The following PRIM1 variants were observed in gnomAD, a reference collection of about 807,000 sequenced individuals.
PRIM1 encodes DNA primase small subunit.
A neutral mutation model predicts 60.2 loss-of-function variants in PRIM1; 38 were observed. The ratio of observed to expected loss-of-function variants is 0.63; its 90% CI spans 0.49 to 0.83. The LOEUF is 0.83. PRIM1 is among the 40% of genes least tolerant of loss of function. The pLI is 0.00. For synonymous variants in PRIM1, 158 were observed against 160.2 expected (o/e 0.99, Z 0.10); for missense variants, 388 against 506.2 (o/e 0.77, Z 2.24).
In PRIM1 at chr12:56,750,629, G is replaced by A. The variant is rs1185992648; in HGVS notation, c.261+409C>T. Among the ~76,000 whole-genome samples the A allele has an allele frequency of 6.3e-5, 9 of 142,704 alleles. No individual in the cohort carries two copies. In the East Asian group the frequency reaches 1.0e-3, roughly 16 times the overall value. 93.6% of individuals were successfully genotyped at this position (142,704 alleles called of 152,430 possible). ...TTTTGAGGCCAAGTCTCGCTCTGTC[G>A]CCCAGACTGGAGTGCAATGGCGCGA... On this transcript the variant is annotated intron_variant, in intron 2 of 12. Transcript: ENST00000338193.
At chr12:56,741,317 G>A in intron 9 of PRIM1, 118 bp downstream of exon 9, 1 of 1,116,902 alleles carries the variant, frequency 9.0e-7, no homozygotes, top group East Asian at 2.7e-5. Flanking sequence ...GGGTGACAGA[G>A]CAATTCTTCT....
chr12:56,739,283 C>A lies in PRIM1; in HGVS notation c.1052+11G>T. 1 of 1,528,266 alleles carries A rather than the reference C, an allele frequency of 6.5e-7. No homozygotes were observed. The highest frequency in any genetic ancestry group is 8.9e-7 in the Non-Finnish European group (1 of 1,123,230). The allele number at this position is 1,528,266 out of a possible 1,614,324, so 94.7% of individuals were successfully genotyped here. On this transcript the variant is annotated intron_variant, in intron 10 of 12. Coordinates refer to ENST00000338193, the MANE Select transcript of PRIM1 (RefSeq NM_000946.3). The stretch of plus-strand genomic sequence containing the variant: ...TTACAAACAAGGAGTGATCAATGAT[C>A]TGAAACATACCTTATGGTCGGAACA...
chr12:56,735,823 G>A (rs531932601), intron 11 of PRIM1, among the ~76,000 whole-genome samples: 261 of 150,722 alleles, frequency 1.7e-3, no homozygotes, highest in Middle Eastern at 0.014. Flanking sequence ...GATAATTTTT[G>A]TATTTTTAGT....
intron 2 of PRIM1, among the ~76,000 whole-genome samples, chr12:56,747,929 G>T (rs1017449899): frequency 6.6e-6 from 1 of 152,066 alleles, no homozygotes; most frequent in Non-Finnish European, 1.5e-5. Context: ...ACCAGGTATT[G>T]TTGGAATGAG....
intron 2 of PRIM1, among the ~76,000 whole-genome samples, chr12:56,750,204 T>A (rs1953936450): frequency 6.6e-6 from 1 of 152,208 alleles, no homozygotes; most frequent in South Asian, 2.1e-4. Flanking sequence ...TGAGTTGTTT[T>A]AAAAGGATTA....
intron 2 of PRIM1, among the ~76,000 whole-genome samples, chr12:56,747,423 A>G (rs957441488): frequency 6.6e-6 from 1 of 152,188 alleles, no homozygotes; most frequent in Non-Finnish European, 1.5e-5. Flanking sequence ...GATCTCCCCA[A>G]TTAGTTTGAA....
intron 2 of PRIM1, among the ~76,000 whole-genome samples, chr12:56,748,201 T>C (rs139350199): frequency 6.6e-6 from 1 of 152,300 alleles, no homozygotes; most frequent in East Asian, 1.9e-4. Flanking sequence ...GTGTGTTGTA[T>C]TGATATTACA....
chr12:56,741,541 C>T lies in PRIM1; in HGVS notation c.876G>A (p.Leu292=), dbSNP rs371616402. The part of the protein sequence containing the change: ...NIKNDKYGPW[L]EWEIMLQYCF... ...AGTACTGGAGCATAATCTCCCACTCCAGCCAGGGTCCATATTTGTCATTTT... is the reference window on the plus strand; with the variant it reads ...AGTACTGGAGCATAATCTCCCACTCTAGCCAGGGTCCATATTTGTCATTTT... Residue 292 remains leucine (L), a synonymous_variant, in exon 9 of 13, where the codon CTG becomes CTA. Coordinates refer to ENST00000338193, the MANE Select transcript of PRIM1 (RefSeq NM_000946.3). 3,058 of 1,613,226 alleles carry T rather than the reference C, an allele frequency of 1.9e-3. 70 individuals are homozygous for T. In the South Asian group the frequency reaches 0.031, roughly 16 times the overall value.
intron 7 of PRIM1, among the ~76,000 whole-genome samples, chr12:56,742,587 C>CA (rs797010821): frequency 0.011 from 1,694 of 150,754 alleles, 27 homozygotes; most frequent in African/African-American, 0.037. Flanking sequence ...ACAACAACAA[C>CA]AACAAAAAAA....
At chr12:56,751,286 G>A in intron 1 of PRIM1, 91 bp from the exon 2 acceptor site, 1 of 907,682 alleles carries the variant, frequency 1.1e-6, no homozygotes. Context: ...TTTTTTTTTC[G>A]GTGAGGGAAT....
At chr12:56,739,466 C>T in intron 9 of PRIM1, 103 bp from the exon 10 acceptor site, 3 of 679,220 alleles carry the variant, frequency 4.4e-6, no homozygotes, top group Non-Finnish European at 7.0e-6. Context: ...AAGGCTTAGA[C>T]AAAGGGTTAA....
At chr12:56,751,243 C>A (rs1364711861) in intron 1 of PRIM1, 48 bp from the exon 2 acceptor site, 1 of 1,342,962 alleles carries the variant, frequency 7.4e-7, no homozygotes, top group South Asian at 1.6e-5. Context: ...CTTTATTTGG[C>A]TCAGGGCATT....
rs1953905660 is a variant in PRIM1, at chr12:56,746,199, A to C, written c.443-18T>G. 1 of 1,604,406 alleles carries C rather than the reference A, an allele frequency of 6.2e-7. No individual in the cohort carries two copies. ...AAAGTCCTCTGAGGAAGAGAGAAAT[A>C]ATAGGTTTTAAAACAAATCTATAAA... On this transcript the variant is annotated intron_variant, in intron 4 of 12. Coordinates refer to ENST00000338193, the MANE Select transcript of PRIM1 (RefSeq NM_000946.3).
chr12:56,745,928 G>C (rs1380482291), intron 5 of PRIM1, 117 bp downstream of exon 5: 1 of 1,048,474 alleles, frequency 9.5e-7, no homozygotes, highest in Non-Finnish European at 1.3e-6. Context: ...AACAGAGTGA[G>C]AGTCCATCTC....
At chr12:56,740,289 TCA>T (rs1953862346) in intron 9 of PRIM1, among the ~76,000 whole-genome samples, 1 of 152,202 alleles carries the variant, frequency 6.6e-6, no homozygotes, top group African/African-American at 2.4e-5. Flanking sequence ...CAGAACAATC[TCA>T]GAGTTAGTGA....
rs1953883360 is a variant in PRIM1, at chr12:56,743,077, T to G, written c.658A>C (p.Lys220Gln). 1 of 1,524,522 alleles carries G rather than the reference T, an allele frequency of 6.6e-7. No homozygotes were observed. Among genetic ancestry groups the G allele is most frequent in the African/African-American group, 1.4e-5 (1 of 70,966 alleles). The allele number at this position is 1,524,522 out of a possible 1,614,324, so 94.4% of individuals were successfully genotyped here. Reference sequence around the variant, plus strand: ...AAGGCATATTCTTCAAAGTATTTTTTTATTATGTTTATAGATTTTCTGTAA... The same window carrying G: ...AAGGCATATTCTTCAAAGTATTTTTGTATTATGTTTATAGATTTTCTGTAA... Reference protein sequence around the residue: ...PFIRKSINIIKKYFEEYALVN... With the variant: ...PFIRKSINIIQKYFEEYALVN... The change falls in exon 7 of 13, where the codon AAA becomes CAA. Residue 220 changes from lysine to glutamine, a missense_variant. By Grantham distance (53) the Lys-to-Gln change is moderately conservative. This residue lies in a region of PRIM1 where 211 missense variants were observed against 277.9 expected (regional missense o/e 0.76). Coordinates refer to ENST00000338193, the MANE Select transcript of PRIM1 (RefSeq NM_000946.3).
intron 4 of PRIM1, 142 bp downstream of exon 4, chr12:56,746,639 C>A (rs1472531872): frequency 4.9e-6 from 3 of 616,578 alleles, no homozygotes; most frequent in Non-Finnish European, 8.5e-6. Context: ...CACACACACA[C>A]ACACACACAC....
chr12:56,745,675 A>T (rs1354122493), intron 5 of PRIM1, among the ~76,000 whole-genome samples: 1 of 152,136 alleles, frequency 6.6e-6, no homozygotes, highest in Non-Finnish European at 1.5e-5. Context: ...GTGGTGGCTC[A>T]TGTCTGTAAT....
In PRIM1 at chr12:56,739,367, TA is replaced by T; in HGVS notation, c.983-5del. Reference sequence around the variant, plus strand: ...TCAATAGGCACAGATATGCGACCTGTAAGACACAAAAGTTATAAACTGATGA... The same window carrying T: ...TCAATAGGCACAGATATGCGACCTGTAGACACAAAAGTTATAAACTGATGA... On this transcript the variant is annotated splice_region_variant and splice_polypyrimidine_tract_variant and intron_variant, in intron 9 of 12. Transcript: ENST00000338193. 1 of 1,547,694 alleles carries T rather than the reference TA, an allele frequency of 6.5e-7. No homozygotes were observed. The highest frequency in any genetic ancestry group is 8.8e-7 in the Non-Finnish European group (1 of 1,135,132).
Sources: allele counts gnomAD v4.1 joint callset (sites outside exome capture counted in the v4.1 genomes callset), GRCh38; gene constraint gnomAD v4.1.1; regional missense constraint gnomAD v4.1.1; transcripts MANE v1.5; gene names NCBI Gene and HGNC (gene_info 2026-07-23, HGNC 2026-07-21).